Variants in MADD observed in about 807,000 individuals in gnomAD.
MADD encodes MAP kinase activating death domain, also known as MAP kinase-activating death domain protein.
A neutral mutation model predicts 176.7 loss-of-function variants in MADD; 109 were observed. That is an observed-to-expected ratio of 0.62 (90% confidence interval 0.53 to 0.72). The LOEUF is 0.72. Among genes scored for constraint, MADD ranks in the 30% least tolerant of loss-of-function variants. The pLI is 0.00. For missense variants in MADD, 1,914 were observed against 2,045.5 expected (o/e 0.94, Z 1.24); for synonymous variants, 771 against 771.3 (o/e 1.00, Z 0.01).
At chr11:47,294,071 C>A in intron 20 of MADD, 88 bp downstream of exon 22, 3 of 1,093,274 alleles carry the variant, frequency 2.7e-6, no homozygotes, top group Non-Finnish European at 4.1e-6. Flanking sequence ...GTCAGACAGC[C>A]GGGCACAGTG....
intron 20 of MADD, among the ~76,000 whole-genome samples, chr11:47,294,902 A>G (rs893495585): frequency 3.9e-5 from 6 of 152,292 alleles, no homozygotes; most frequent in African/African-American, 1.4e-4. Flanking sequence ...GAAATATACT[A>G]AAAACAGTGG....
At chr11:47,319,551 G>A (rs985088488) in intron 27 of MADD, among the ~76,000 whole-genome samples, 2 of 152,150 alleles carry the variant, frequency 1.3e-5, no homozygotes, top group Admixed American at 1.3e-4. Context: ...TTTACTCACT[G>A]CCTTTCAATC....
At chr11:47,273,381 C>G (rs1207230502) in intron 1 of MADD, among the ~76,000 whole-genome samples, 3 of 152,006 alleles carry the variant, frequency 2.0e-5, no homozygotes, top group African/African-American at 7.3e-5. Context: ...CTCTGTCACC[C>G]AGGCTCGAGT....
At chr11:47,313,292 T>C (rs991774394) in intron 26 of MADD, among the ~76,000 whole-genome samples, 1 of 152,110 alleles carries the variant, frequency 6.6e-6, no homozygotes, top group African/African-American at 2.4e-5. Flanking sequence ...TGTAACTCAG[T>C]GAAACACTAT....
chr11:47,269,336 A>G (rs1201384558), upstream of MADD: 1 of 152,448 alleles, frequency 6.6e-6, no homozygotes, highest in Non-Finnish European at 1.5e-5. Context: ...GGATCCGGGT[A>G]GGATCCGGTT....
At chr11:47,322,415 T>A (rs944945185) in intron 27 of MADD, among the ~76,000 whole-genome samples, 3 of 151,888 alleles carry the variant, frequency 2.0e-5, no homozygotes, top group African/African-American at 7.3e-5. Context: ...AGACTATCCT[T>A]GCTAACACGG....
chr11:47,295,442 G>A (rs2070488896), intron 20 of MADD, 54 bp from the exon 23 acceptor site: 2 of 1,409,808 alleles, frequency 1.4e-6, no homozygotes, highest in Non-Finnish European at 2.0e-6. Context: ...TATTTCTGTG[G>A]GAAACTGAGA....
intron 26 of MADD, among the ~76,000 whole-genome samples, chr11:47,314,257 A>G (rs2091808110): frequency 6.7e-6 from 1 of 148,666 alleles, no homozygotes; most frequent in African/African-American, 2.5e-5. Flanking sequence ...GTGTATGGAG[A>G]ATAGGGTCTC....
intron 22 of MADD, among the ~76,000 whole-genome samples, chr11:47,300,569 C>T (rs1229528802): frequency 6.6e-6 from 1 of 151,702 alleles, no homozygotes; most frequent in African/African-American, 2.4e-5. Context: ...GTGATGTTGG[C>T]TCACTGCAAC....
At chr11:47,328,509 C>T (rs2095704967) in intron 31 of MADD, 149 bp from the exon 36 acceptor site, 5 of 1,504,514 alleles carry the variant, frequency 3.3e-6, no homozygotes, top group African/African-American at 2.8e-5. Flanking sequence ...GTGGCCTCTG[C>T]CCTGTCATAG....
In MADD at chr11:47,280,545, TTTAA is replaced by T. The variant is rs752629324; in HGVS notation, c.1291-1025_1291-1022del. On this transcript the variant is annotated intron_variant, in intron 7 of 32. Coordinates refer to ENST00000402192, the Ensembl canonical transcript of MADD. ...GGAGAGGTTAATAAATGGAATTATATTTAATTAAATTAATTAATTAATTTATTTA... is the reference window on the plus strand; with the variant it reads ...GGAGAGGTTAATAAATGGAATTATATTTAAATTAATTAATTAATTTATTTA... 2.2e-3 allele frequency among the ~76,000 whole-genome samples: 342 copies of T among 152,230 alleles called. 2 individuals are homozygous for T. The highest frequency in any genetic ancestry group is 3.6e-3 in the Non-Finnish European group (248 of 68,020).
intron 14 of MADD, 112 bp downstream of exon 14, chr11:47,285,702 G>T (rs1198121712): frequency 6.9e-7 from 1 of 1,452,570 alleles, no homozygotes; most frequent in Non-Finnish European, 9.5e-7. Flanking sequence ...GTTGGCATTA[G>T]CAAGCCCTAA....
chr11:47,290,285 A>C, exon 18 of MADD: 2 of 1,614,060 alleles, frequency 1.2e-6, no homozygotes, highest in Non-Finnish European at 1.7e-6. Flanking sequence ...GCCCAGACCC[A>C]CTACTATAGT....
chr11:47,323,799 C>G, exon 28 of MADD: 1 of 1,614,222 alleles, frequency 6.2e-7, no homozygotes, highest in Non-Finnish European at 8.5e-7. Context: ...GTAGAAATGG[C>G]TCTGAGACCC....
intron 1 of MADD, chr11:47,270,890 A>C (rs1961877353): frequency 6.6e-6 from 1 of 151,954 alleles, no homozygotes; most frequent in African/African-American, 2.4e-5. Flanking sequence ...CTGCCTGGGG[A>C]GGTAGAGGAG....
At chr11:47,288,481 A>G (rs561331526) in intron 15 of MADD, among the ~76,000 whole-genome samples, 1 of 152,332 alleles carries the variant, frequency 6.6e-6, no homozygotes, top group Admixed American at 6.5e-5. Context: ...ACTGGCCTTC[A>G]TTTGGTACAT....
intron 27 of MADD, among the ~76,000 whole-genome samples, chr11:47,319,066 C>A (rs1265339345): frequency 6.6e-6 from 1 of 150,586 alleles, no homozygotes; most frequent in Non-Finnish European, 1.5e-5. Flanking sequence ...CCTCAGCCTC[C>A]CAAAGTGCTG....
At chr11:47,328,686 C>T (rs2095731712) in exon 32 of MADD, 6 of 1,614,120 alleles carry the variant, frequency 3.7e-6, no homozygotes, top group Non-Finnish European at 5.1e-6. Context: ...TGGTGAGCCA[C>T]AAGTACAAGA....
intron 32 of MADD, 85 bp from the exon 37 acceptor site, chr11:47,328,961 G>A: frequency 1.7e-6 from 2 of 1,203,774 alleles, no homozygotes; most frequent in Non-Finnish European, 2.5e-6. Context: ...CAGTGTTAGG[G>A]CAGGAGTTGC....
Sources: allele counts gnomAD v4.1 joint callset (sites outside exome capture counted in the v4.1 genomes callset), GRCh38; gene constraint gnomAD v4.1.1; transcripts MANE v1.5; gene names NCBI Gene and HGNC (gene_info 2026-07-23, HGNC 2026-07-21).